HERPUD2: variants seen among roughly 807,000 people sequenced by gnomAD.
HERPUD2 encodes the protein homocysteine-responsive endoplasmic reticulum-resident ubiquitin-like domain member 2 protein.
A neutral mutation model predicts 49.9 loss-of-function variants in HERPUD2; 13 were observed. That is an observed-to-expected ratio of 0.26 (90% CI 0.17 to 0.41). The LOEUF (loss-of-function observed/expected upper bound fraction) is 0.41. HERPUD2 is among the 10% of genes least tolerant of loss of function. The pLI is 1.00. For missense variants in HERPUD2, 449 were observed against 492.2 expected (o/e 0.91, Z 0.83); for synonymous variants, 172 against 171.4 (o/e 1.00, Z -0.03).
intron 3 of HERPUD2, among the ~76,000 whole-genome samples, chr7:35,670,693 T>C (rs187475629): frequency 7.9e-4 from 120 of 152,264 alleles, no homozygotes; most frequent in African/African-American, 2.7e-3. Flanking sequence ...TTTCCATCAC[T>C]TGAGGCTTAG....
chr7:35,650,403 G>A (rs559822492), intron 5 of HERPUD2, among the ~76,000 whole-genome samples: 11 of 152,164 alleles, frequency 7.2e-5, no homozygotes, highest in Admixed American at 2.6e-4. Flanking sequence ...TAATGCACAC[G>A]GGCCCCGAGA....
chr7:35,644,907 A>G (rs772611923), intron 5 of HERPUD2, among the ~76,000 whole-genome samples: 1 of 152,226 alleles, frequency 6.6e-6, no homozygotes, highest in Non-Finnish European at 1.5e-5. Context: ...GATATTGAAG[A>G]TTTTTAAATT....
chr7:35,634,568 A>G (rs1003685501), intron 7 of HERPUD2, 139 bp from the exon 8 acceptor site: 19 of 575,508 alleles, frequency 3.3e-5, no homozygotes, highest in African/African-American at 2.4e-4. Flanking sequence ...CCACTTCAGG[A>G]CAGGGAACTA....
intron 5 of HERPUD2, among the ~76,000 whole-genome samples, chr7:35,652,670 GAGGAAGGGA>G (rs990510473): frequency 2.0e-5 from 3 of 149,742 alleles, no homozygotes; most frequent in African/African-American, 7.3e-5. Flanking sequence ...GGGAGAAAGG[GAGGAAGGGA>G]GGGAAGAGAG....
intron 5 of HERPUD2, among the ~76,000 whole-genome samples, chr7:35,667,121 G>A (rs1449044510): frequency 5.9e-5 from 9 of 152,058 alleles, no homozygotes; most frequent in South Asian, 4.1e-4. Context: ...AGCATCATCT[G>A]GGAGCTTGTC....
chr7:35,681,026 A>G (rs552671848), intron 2 of HERPUD2, among the ~76,000 whole-genome samples: 2 of 152,324 alleles, frequency 1.3e-5, no homozygotes, highest in East Asian at 3.9e-4. Flanking sequence ...TTTTACATGT[A>G]ATCGTGAAAA....
intron 2 of HERPUD2, among the ~76,000 whole-genome samples, chr7:35,679,314 C>A (rs1004095146): frequency 6.6e-6 from 1 of 152,138 alleles, no homozygotes; most frequent in East Asian, 1.9e-4. Context: ...TTGTATTTAA[C>A]CCAAAATACA....
At chr7:35,650,743 A>ACCC (rs1161190546) in intron 5 of HERPUD2, among the ~76,000 whole-genome samples, 1 of 151,842 alleles carries the variant, frequency 6.6e-6, no homozygotes, top group Non-Finnish European at 1.5e-5. Flanking sequence ...ACCAAAGTGT[A>ACCC]CCCCCCCACC....
At chr7:35,657,859 T>G (rs913718145) in intron 5 of HERPUD2, among the ~76,000 whole-genome samples, 1 of 149,138 alleles carries the variant, frequency 6.7e-6, no homozygotes, top group African/African-American at 2.5e-5. Context: ...GAGGTGGAGC[T>G]TGCAGTGAGC....
intron 2 of HERPUD2, among the ~76,000 whole-genome samples, chr7:35,693,168 G>A (rs985606423): frequency 7.2e-5 from 11 of 152,158 alleles, no homozygotes; most frequent in African/African-American, 2.4e-4. Context: ...AGATGGAGCT[G>A]TACTGTCTAT....
intron 2 of HERPUD2, among the ~76,000 whole-genome samples, chr7:35,679,958 A>C (rs868717299): frequency 3.9e-4 from 59 of 152,086 alleles, no homozygotes; most frequent in African/African-American, 1.3e-3. Context: ...TATAGACTCT[A>C]TCTCCAAAAG....
chr7:35,639,003 A>G (rs1259274653), intron 5 of HERPUD2, among the ~76,000 whole-genome samples: 1 of 152,114 alleles, frequency 6.6e-6, no homozygotes, highest in Non-Finnish European at 1.5e-5. Context: ...GTTCACATAT[A>G]CATTCTTAAA....
At chr7:35,669,582 T>C (rs182431915) in intron 4 of HERPUD2, among the ~76,000 whole-genome samples, 2 of 152,320 alleles carry the variant, frequency 1.3e-5, no homozygotes, top group Non-Finnish European at 2.9e-5. Context: ...ACAATGTTTT[T>C]GAAATTTGTA....
In HERPUD2 at chr7:35,664,900, CGTCAAA is replaced by C. The variant is rs144154284; in HGVS notation, c.494+2528_494+2533del. The stretch of plus-strand genomic sequence containing the variant: ...TGTCTGAAGCCGCCTTCTCTCGACT[CGTCAAA>C]GTCATTCTCCATACAGCTTTGTTCC... On this transcript the variant is annotated intron_variant, in intron 5 of 8. Transcript: ENST00000311350. 6.2e-3 allele frequency among the ~76,000 whole-genome samples: 943 copies of C among 152,298 alleles called. 8 individuals are homozygous for C. The highest frequency in any genetic ancestry group is 0.019 in the African/African-American group (792 of 41,564).
chr7:35,650,591 GA>G (rs908310100), intron 5 of HERPUD2, among the ~76,000 whole-genome samples: 113 of 152,282 alleles, frequency 7.4e-4, no homozygotes, highest in African/African-American at 2.5e-3. Context: ...GCTTCACTGA[GA>G]TCCCCTGTGC....
chr7:35,671,085 G>C (rs563583461), intron 3 of HERPUD2, among the ~76,000 whole-genome samples: 3 of 152,032 alleles, frequency 2.0e-5, no homozygotes, highest in South Asian at 4.1e-4. Context: ...GAATGACAAA[G>C]AAAAAGGAGC....
At chr7:35,664,523 A>T (rs1259213242) in intron 5 of HERPUD2, among the ~76,000 whole-genome samples, 1 of 152,170 alleles carries the variant, frequency 6.6e-6, no homozygotes, top group African/African-American at 2.4e-5. Flanking sequence ...ACTTTCAGGT[A>T]CACCAATCAG....
At chr7:35,688,709 A>G (rs1786117213) in intron 2 of HERPUD2, among the ~76,000 whole-genome samples, 1 of 152,226 alleles carries the variant, frequency 6.6e-6, no homozygotes, top group South Asian at 2.1e-4. Context: ...ATCTCTTTTT[A>G]TAGCTCAACT....
chr7:35,642,941 T>C (rs999467414), intron 5 of HERPUD2, among the ~76,000 whole-genome samples: 3 of 152,206 alleles, frequency 2.0e-5, no homozygotes, highest in African/African-American at 7.2e-5. Flanking sequence ...TCTGACCGTG[T>C]ACCCGTGAAC....
Sources: gnomAD v4.1 joint callset for allele counts (sites outside exome capture counted in the v4.1 genomes callset) on GRCh38, gnomAD v4.1.1 for gene constraint, MANE v1.5 for transcripts, NCBI Gene and HGNC (gene_info 2026-07-23, HGNC 2026-07-21) for gene names.